FANCB: variants seen among roughly 807,000 people sequenced by gnomAD.
The protein encoded by FANCB is Fanconi anemia group B protein.
FANCB carries 5 observed loss-of-function variants against 38.9 expected under a neutral mutation model. The observed-to-expected ratio is 0.13, with a 90% confidence interval of 0.07 to 0.27. The LOEUF (loss-of-function observed/expected upper bound fraction) is 0.27, where lower values mean the gene tolerates loss of function less well. Ranked by LOEUF, FANCB falls within the 10% of genes least tolerant of loss-of-function variation. The probability of loss-of-function intolerance (pLI) is 1.00; values close to 1 mark genes in which losing one functional copy is unlikely to be tolerated. For synonymous variants in FANCB, 236 were observed against 215.4 expected, an observed-to-expected ratio of 1.10 and a Z score of -0.84; for missense variants, 573 against 602.7, an observed-to-expected ratio of 0.95 and a Z score of 0.52.
At chrX:14,735,937 G>A in the FANCB span, among the ~76,000 whole-genome samples, 1 of 111,869 alleles carries the variant, frequency 8.9e-6, no homozygotes, top group Non-Finnish European at 1.9e-5. Context: ...CCTGCCCAGA[G>A]AGGAGGAATC....
chrX:14,803,886 C>T, the FANCB span, among the ~76,000 whole-genome samples: 1 of 111,716 alleles, frequency 9.0e-6, no homozygotes, highest in Non-Finnish European at 1.9e-5. Flanking sequence ...TGAAAAAATG[C>T]TCATCATCAC....
At chrX:14,712,663 T>C in the FANCB span, among the ~76,000 whole-genome samples, 2 of 102,014 alleles carry the variant, frequency 2.0e-5, no homozygotes, top group African/African-American at 7.4e-5. Context: ...TTAGGCTTTA[T>C]ATGAATGTGG....
the FANCB span, among the ~76,000 whole-genome samples, chrX:14,778,778 C>T: frequency 7.1e-5 from 8 of 112,435 alleles, no homozygotes; most frequent in African/African-American, 2.3e-4. Context: ...AATCCCAGAC[C>T]ATTTTCCTTT....
chrX:14,703,909 C>A, the FANCB span, among the ~76,000 whole-genome samples: 15 of 112,039 alleles, frequency 1.3e-4, no homozygotes, highest in African/African-American at 4.5e-4. Context: ...TCCCCACTCC[C>A]TCACCACACT....
chrX:14,851,201 C>T (rs1198438488), intron 6 of FANCB, among the ~76,000 whole-genome samples: 7 of 111,922 alleles, frequency 6.3e-5, no homozygotes, highest in Non-Finnish European at 1.3e-4. Flanking sequence ...ATAATAGTAA[C>T]GATAATAATA....
the FANCB span, among the ~76,000 whole-genome samples, chrX:14,775,268 C>T: frequency 4.0e-5 from 4 of 100,971 alleles, no homozygotes; most frequent in Non-Finnish European, 5.9e-5. Context: ...CTCCCATCTT[C>T]GCGCTTCTAT....
the FANCB span, among the ~76,000 whole-genome samples, chrX:14,821,376 G>T: frequency 9.0e-6 from 1 of 111,663 alleles, no homozygotes; most frequent in African/African-American, 3.2e-5. Flanking sequence ...CATATGAAAA[G>T]TGAAGCCCCA....
the FANCB span, among the ~76,000 whole-genome samples, chrX:14,804,246 A>T: frequency 8.9e-6 from 1 of 112,214 alleles, no homozygotes; most frequent in South Asian, 3.7e-4. Flanking sequence ...AATGTCCAAC[A>T]ATGATAGACT....
At chrX:14,703,657 T>C in the FANCB span, among the ~76,000 whole-genome samples, 10 of 111,740 alleles carry the variant, frequency 8.9e-5, no homozygotes, top group South Asian at 3.7e-3. Flanking sequence ...GAGCATCCGT[T>C]GGGCACTGTA....
chrX:14,769,131 GT>G, the FANCB span, among the ~76,000 whole-genome samples: 4 of 111,094 alleles, frequency 3.6e-5, no homozygotes, highest in African/African-American at 1.3e-4. Context: ...TTTTTTTGTT[GT>G]TGTATCTCTT....
chrX:14,810,176 C>A, the FANCB span, among the ~76,000 whole-genome samples: 123 of 111,496 alleles, frequency 1.1e-3, no homozygotes, highest in Middle Eastern at 4.6e-3. Context: ...ACATCACCAT[C>A]ATCAAAGACC....
the FANCB span, among the ~76,000 whole-genome samples, chrX:14,797,328 A>C: frequency 9.0e-5 from 10 of 111,666 alleles, no homozygotes; most frequent in African/African-American, 2.9e-4. Flanking sequence ...AGAAGTCTCA[A>C]TATGTTTTGC....
Position 14,873,023 on chromosome X carries a change from A to C in FANCB, c.-229T>G, listed in dbSNP as rs149617434. On this transcript the variant is annotated 5_prime_UTR_variant, in exon 1 of 10. Transcript: ENST00000650831. ...GCAACATACCGGAGGCCCCACGTCGATACGGTATCCATCTGCTCCAAACCT... is the reference window on the plus strand; with the variant it reads ...GCAACATACCGGAGGCCCCACGTCGCTACGGTATCCATCTGCTCCAAACCT... The C allele has an allele frequency of 6.9e-3, 897 of 130,479 alleles. 13 individuals carry two copies. The highest frequency in any genetic ancestry group is 0.026 in the African/African-American group (838 of 31,643). 10.8% of individuals were successfully genotyped at this position (130,479 alleles called of 1,213,427 possible).
chrX:14,754,020 T>G, the FANCB span, among the ~76,000 whole-genome samples: 1 of 111,873 alleles, frequency 8.9e-6, no homozygotes, highest in African/African-American at 3.2e-5. Context: ...GTTTGCCCCC[T>G]CCCCCTCCAT....
chrX:14,761,579 C>T, the FANCB span, among the ~76,000 whole-genome samples: 1 of 111,090 alleles, frequency 9.0e-6, no homozygotes, highest in African/African-American at 3.3e-5. Flanking sequence ...CAGTGTTACC[C>T]AAATTGAGTG....
chrX:14,848,627 G>A lies in FANCB; in HGVS notation c.1496+1878C>T, dbSNP rs187680153. Among the ~76,000 whole-genome samples, 620 of 111,641 alleles carry A rather than the reference G, an allele frequency of 5.6e-3. 3 individuals carry two copies. The highest frequency in any genetic ancestry group is 0.019 in the African/African-American group (581 of 30,687). On this transcript the variant is annotated intron_variant, in intron 7 of 9. Transcript: ENST00000650831. Reference sequence around the variant, plus strand: ...AATATCTTGCTAATCATAGGTTATCGAAAGATTGTGTTTCTGTTTTAAGGC... The same window carrying A: ...AATATCTTGCTAATCATAGGTTATCAAAAGATTGTGTTTCTGTTTTAAGGC...
the FANCB span, among the ~76,000 whole-genome samples, chrX:14,700,630 C>G: frequency 9.9e-5 from 11 of 111,538 alleles, no homozygotes; most frequent in Non-Finnish European, 1.9e-4. Context: ...CAACAGCAGG[C>G]TCAGTGGAGA....
At chrX:14,723,906 A>G in the FANCB span, among the ~76,000 whole-genome samples, 1 of 111,928 alleles carries the variant, frequency 8.9e-6, no homozygotes, top group Non-Finnish European at 1.9e-5. Flanking sequence ...TCATGTGATT[A>G]CTTTATTGTT....
the FANCB span, among the ~76,000 whole-genome samples, chrX:14,744,311 T>G: frequency 8.9e-6 from 1 of 112,310 alleles, no homozygotes; most frequent in Admixed American, 9.4e-5. Flanking sequence ...AGGGTTCTAA[T>G]GAGACTGAAC....
Sources: gnomAD v4.1 joint callset for allele counts (sites outside exome capture counted in the v4.1 genomes callset) on GRCh38, gnomAD v4.1.1 for gene constraint, MANE v1.5 for transcripts, NCBI Gene and HGNC (gene_info 2026-07-23, HGNC 2026-07-21) for gene names.